Variants in REPS2 observed in about 807,000 individuals in gnomAD.
REPS2 encodes the protein RALBP1 associated Eps domain containing 2, also known as ralBP1-associated Eps domain-containing protein 2.
REPS2 carries 23 observed loss-of-function variants against 53.6 expected under a neutral mutation model. The observed-to-expected ratio is 0.43, with a 90% CI of 0.31 to 0.61. The LOEUF is 0.61. Among genes scored for constraint, REPS2 ranks in the 20% least tolerant of loss-of-function variants. The pLI is 0.11. For missense variants in REPS2, 446 were observed against 534.9 expected (o/e 0.83, Z 1.64); for synonymous variants, 238 against 218.6 (o/e 1.09, Z -0.78).
chrX:17,006,492 G>A (rs1387012337), intron 2 of REPS2, 148 bp downstream of exon 2: 1 of 518,210 alleles, frequency 1.9e-6, no homozygotes, highest in Non-Finnish European at 2.9e-6. Context: ...TGGCAGGTAG[G>A]TAGCTTAGTT....
chrX:16,951,559 A>G (rs375659171), intron 1 of REPS2, among the ~76,000 whole-genome samples: 1 of 37,477 alleles, frequency 2.7e-5, no homozygotes, highest in Non-Finnish European at 5.5e-5. Flanking sequence ...ACACACACAC[A>G]CCCCCGCTAC....
intron 13 of REPS2, among the ~76,000 whole-genome samples, chrX:17,099,574 C>A (rs1168630795): frequency 8.9e-6 from 1 of 111,817 alleles, no homozygotes; most frequent in African/African-American, 3.3e-5. Flanking sequence ...TATCCCCCTT[C>A]CCCTCCACTG....
At chrX:17,084,652 T>C (rs957361113) in intron 13 of REPS2, among the ~76,000 whole-genome samples, 7 of 112,572 alleles carry the variant, frequency 6.2e-5, no homozygotes, top group African/African-American at 2.3e-4. Context: ...GCTAATGATG[T>C]TATACATCTT....
the REPS2 span, among the ~76,000 whole-genome samples, chrX:17,158,724 G>A: frequency 1.5e-4 from 17 of 111,775 alleles, no homozygotes; most frequent in Non-Finnish European, 2.8e-4. Context: ...TTCTATGTTG[G>A]CAACTATGTC....
chrX:17,068,389 T>C lies in REPS2; in HGVS notation c.1210-13T>C. ...TCCAACCAGTTTAATTCATTTACTT[T>C]TCTTTTTCAAAGAAGACATCTGTTA... is the stretch of plus-strand genomic sequence containing the variant. On this transcript the variant is annotated splice_polypyrimidine_tract_variant and intron_variant, in intron 9 of 17. Coordinates refer to ENST00000357277, the MANE Select transcript of REPS2 (RefSeq NM_004726.3). The C allele has an allele frequency of 8.4e-7, 1 of 1,185,877 alleles. No individual in the cohort carries two copies. The highest frequency in any genetic ancestry group is 1.1e-6 in the Non-Finnish European group (1 of 874,165).
chrX:17,043,104 A>C (rs1282247075), intron 5 of REPS2, among the ~76,000 whole-genome samples: 18 of 111,519 alleles, frequency 1.6e-4, no homozygotes. Flanking sequence ...GCCAAGATTC[A>C]TATTTTTTAA....
At chrX:17,047,733 G>C (rs1248240236) in intron 6 of REPS2, among the ~76,000 whole-genome samples, 2 of 112,977 alleles carry the variant, frequency 1.8e-5, no homozygotes, top group Admixed American at 1.9e-4. Flanking sequence ...CACCTTATCA[G>C]CTGAGGCAGT....
At chrX:17,024,973 A>G (rs1018395493) in intron 3 of REPS2, 86 bp from the exon 4 acceptor site, 8 of 1,165,283 alleles carry the variant, frequency 6.9e-6, no homozygotes, top group Non-Finnish European at 8.2e-6. Context: ...GGTCACCAGC[A>G]GTAGAGTTGC....
chrX:17,035,180 A>T (rs1433425470), intron 5 of REPS2, among the ~76,000 whole-genome samples: 2 of 110,548 alleles, frequency 1.8e-5, no homozygotes, highest in East Asian at 5.7e-4. Context: ...GATAGTCACC[A>T]CAAATAAATT....
intron 1 of REPS2, among the ~76,000 whole-genome samples, chrX:16,969,499 G>T (rs761715129): frequency 9.3e-6 from 1 of 107,982 alleles, no homozygotes; most frequent in African/African-American, 3.4e-5. Context: ...CGAGGCTGGC[G>T]GATCACTCCC....
intron 1 of REPS2, among the ~76,000 whole-genome samples, chrX:16,968,154 G>T (rs1469742319): frequency 9.0e-6 from 1 of 111,279 alleles, no homozygotes; most frequent in African/African-American, 3.3e-5. Context: ...GCACCGGGTT[G>T]GGGGTAAGGT....
intron 13 of REPS2, among the ~76,000 whole-genome samples, chrX:17,081,390 G>A (rs970676443): frequency 8.9e-6 from 1 of 112,501 alleles, no homozygotes; most frequent in African/African-American, 3.2e-5. Flanking sequence ...AGAACCAATG[G>A]AAGGAGAGTC....
At chrX:17,183,050 A>T in the REPS2 span, among the ~76,000 whole-genome samples, 5 of 112,771 alleles carry the variant, frequency 4.4e-5, no homozygotes, top group Non-Finnish European at 5.6e-5. Context: ...CAAGTGGTTT[A>T]TAAGCAAATG....
Position 17,014,445 on chromosome X carries a change from C to T in REPS2, c.398-7678C>T, listed in dbSNP as rs779367756. On this transcript the variant is annotated intron_variant, in intron 2 of 17. Coordinates refer to ENST00000357277, the MANE Select transcript of REPS2 (RefSeq NM_004726.3). ...CATCTAGCGATTACCTACCCATTTC[C>T]TAATTGACAAGAGGTATTTCAGATC... is the stretch of plus-strand genomic sequence containing the variant. 9.0e-5 allele frequency among the ~76,000 whole-genome samples: 10 copies of T among 111,610 alleles called. No individual in the cohort carries two copies. In the South Asian group the frequency reaches 1.1e-3, roughly 12 times the overall value.
At chrX:17,047,266 A>G (rs960805086) in intron 5 of REPS2, 81 bp from the exon 6 acceptor site, 5 of 1,061,231 alleles carry the variant, frequency 4.7e-6, no homozygotes, top group Non-Finnish European at 6.5e-6. Flanking sequence ...AACACATGAT[A>G]ACTTTTATTG....
the REPS2 span, among the ~76,000 whole-genome samples, chrX:17,178,688 C>T: frequency 4.5e-5 from 5 of 111,422 alleles, no homozygotes; most frequent in African/African-American, 6.5e-5. Context: ...CCAGCACTTT[C>T]GGAGGCCAAG....
the REPS2 span, among the ~76,000 whole-genome samples, chrX:17,177,323 C>A: frequency 8.9e-6 from 1 of 112,099 alleles, no homozygotes; most frequent in East Asian, 2.8e-4. Context: ...AGGACTCAAA[C>A]CTGTGTGCCT....
chrX:16,995,184 C>T (rs1244175790), intron 1 of REPS2, among the ~76,000 whole-genome samples: 1 of 112,084 alleles, frequency 8.9e-6, no homozygotes, highest in East Asian at 2.8e-4. Flanking sequence ...ATTTGTAAGG[C>T]CAGGCAATAG....
intron 5 of REPS2, among the ~76,000 whole-genome samples, chrX:17,038,277 A>G (rs996635003): frequency 8.9e-6 from 1 of 112,643 alleles, no homozygotes; most frequent in Non-Finnish European, 1.9e-5. Flanking sequence ...AAGTGAGAGA[A>G]GGCTCCTTTA....
Sources: allele counts gnomAD v4.1 joint callset (sites outside exome capture counted in the v4.1 genomes callset), GRCh38; gene constraint gnomAD v4.1.1; transcripts MANE v1.5; gene names NCBI Gene and HGNC (gene_info 2026-07-23, HGNC 2026-07-21).